LRP2: variants seen among roughly 807,000 people sequenced by gnomAD.
The protein encoded by LRP2 is low-density lipoprotein receptor-related protein 2.
In LRP2, 172 loss-of-function variants were observed where a neutral mutation model predicts 531.0. The observed-to-expected ratio is 0.32, with a 90% CI of 0.29 to 0.37. The LOEUF (loss-of-function observed/expected upper bound fraction) is 0.37. Among genes scored for constraint, LRP2 ranks in the 10% least tolerant of loss-of-function variants. The pLI is 1.00. For synonymous variants in LRP2, 1,992 were observed against 2,027.6 expected (o/e 0.98, Z 0.47); for missense variants, 5,167 against 5,868.3 (o/e 0.88, Z 3.90).
chr2:169,304,023 C>T (rs1292409360), intron 4 of LRP2, among the ~76,000 whole-genome samples: 2 of 152,142 alleles, frequency 1.3e-5, no homozygotes, highest in African/African-American at 4.8e-5. Flanking sequence ...TATTCGTATC[C>T]TGCCAGGTTT....
At chr2:169,255,843 A>C (rs1471491259) in intron 19 of LRP2, among the ~76,000 whole-genome samples, 1 of 152,146 alleles carries the variant, frequency 6.6e-6, no homozygotes, top group Non-Finnish European at 1.5e-5. Flanking sequence ...GAATTGTATA[A>C]TACATGTAAT....
chr2:169,154,254 G>A lies in LRP2; in HGVS notation c.12295+206C>T, dbSNP rs138647271. Among the ~76,000 whole-genome samples the A allele has an allele frequency of 4.8e-3, 738 of 152,272 alleles. 9 individuals are homozygous for A. The highest frequency in any genetic ancestry group is 4.7e-3 in the Non-Finnish European group (321 of 68,012). The stretch of plus-strand genomic sequence containing the variant: ...CCAGAAAGGATAAACCCCAGTGATC[G>A]GAGGAGTTTTAGAAAGAAATCAGGA... On this transcript the variant is annotated intron_variant, in intron 66 of 78. Transcript: ENST00000649046.
intron 6 of LRP2, among the ~76,000 whole-genome samples, chr2:169,293,360 C>A (rs1381656812): frequency 6.6e-6 from 1 of 152,182 alleles, no homozygotes; most frequent in Non-Finnish European, 1.5e-5. Context: ...GAAGTGGAGG[C>A]AAGAAAGCCA....
chr2:169,233,536 G>A lies in LRP2; in HGVS notation c.4973C>T (p.Thr1658Ile), dbSNP rs1481839894. The A allele has an allele frequency of 1.9e-6, 3 of 1,614,042 alleles. No homozygotes were observed. The highest frequency in any genetic ancestry group is 2.5e-6 in the Non-Finnish European group (3 of 1,180,050). The change falls in exon 30 of 79, where the codon ACT becomes ATT. Residue 1658 changes from threonine (T) to isoleucine (I), a missense_variant. Transcript: ENST00000649046. ...LTLFEDSVYW[T>I]DRATRRVMRA... The stretch of plus-strand genomic sequence containing the variant: ...CATAACCCGACGAGTAGCACGGTCA[G>A]TCCAGTACACAGAGTCTTCAAAGAG...
At chr2:169,237,343 A>G in intron 27 of LRP2, 56 bp from the exon 28 acceptor site, 1 of 1,258,982 alleles carries the variant, frequency 7.9e-7, no homozygotes, top group Non-Finnish European at 1.2e-6. Context: ...GAATGCAAAC[A>G]TGGATATTAT....
At chr2:169,225,996 G>T (rs186699412) in intron 32 of LRP2, among the ~76,000 whole-genome samples, 1 of 152,166 alleles carries the variant, frequency 6.6e-6, no homozygotes, top group Non-Finnish European at 1.5e-5. Flanking sequence ...AATTCCCTTA[G>T]GGAGCTACTA....
intron 1 of LRP2, among the ~76,000 whole-genome samples, chr2:169,337,908 A>C (rs1214232998): frequency 6.6e-6 from 1 of 152,014 alleles, no homozygotes; most frequent in African/African-American, 2.4e-5. Context: ...GGAGTTTGAG[A>C]CCACCCTGGG....
At position 169,177,832 on chromosome 2, in the gene LRP2, T is replaced by C; in HGVS notation, c.10364A>G (p.His3455Arg). Residue 3455 changes from histidine (H) to arginine (R), a missense_variant, in exon 53 of 79, where the codon CAT becomes CGT. Physicochemically the swap from His to Arg is conservative, Grantham distance 29. Coordinates refer to ENST00000649046, the MANE Select transcript of LRP2 (RefSeq NM_004525.3). ...GGGCTGCCTATATGGATGGTACACA[T>C]GGATGTCAAATGGTCTGTGTGTTGT... The part of the protein sequence containing the change: ...VNTTHRPFDI[H>R]VYHPYRQPIV... The C allele has an allele frequency of 1.2e-6, 2 of 1,614,254 alleles. No individual in the cohort carries two copies. Among genetic ancestry groups the C allele is most frequent in the South Asian group, 1.1e-5 (1 of 91,088 alleles).
intron 6 of LRP2, among the ~76,000 whole-genome samples, chr2:169,292,893 G>A (rs1330527524): frequency 6.7e-6 from 1 of 150,052 alleles, no homozygotes; most frequent in East Asian, 2.0e-4. Flanking sequence ...CGTTGGCACA[G>A]AACAGAAAAT....
intron 1 of LRP2, among the ~76,000 whole-genome samples, chr2:169,348,614 G>A (rs949800315): frequency 2.0e-5 from 3 of 152,232 alleles, no homozygotes; most frequent in African/African-American, 4.8e-5. Context: ...CCACTAACAC[G>A]AAGTCTAAAA....
intron 19 of LRP2, among the ~76,000 whole-genome samples, chr2:169,248,392 CCAAT>C (rs1167913685): frequency 6.6e-6 from 1 of 152,140 alleles, no homozygotes; most frequent in Non-Finnish European, 1.5e-5. Context: ...TAATCAATGA[CCAAT>C]CAGTCATTGG....
chr2:169,342,976 T>C (rs1685605759), intron 1 of LRP2, among the ~76,000 whole-genome samples: 1 of 152,212 alleles, frequency 6.6e-6, no homozygotes, highest in Non-Finnish European at 1.5e-5. Context: ...TTACATGCTC[T>C]GTCTAAAACC....
At position 169,272,508 on chromosome 2, in the gene LRP2, T is replaced by C. The variant is rs111957856; in HGVS notation, c.2116+419A>G. ...GGCATACGTGGTGGTCTAGGAGAAGTCAAAGTGGGGAGAAGTACAGTACTT... is the reference window on the plus strand; with the variant it reads ...GGCATACGTGGTGGTCTAGGAGAAGCCAAAGTGGGGAGAAGTACAGTACTT... On this transcript the variant is annotated intron_variant, in intron 15 of 78. Transcript: ENST00000649046. Among the ~76,000 whole-genome samples, 365 of 152,080 alleles carry C rather than the reference T, an allele frequency of 2.4e-3. 3 individuals carry two copies. Among genetic ancestry groups the C allele is most frequent in the African/African-American group, 8.2e-3 (342 of 41,488 alleles).
At chr2:169,276,480 A>G (rs1241509217) in intron 13 of LRP2, among the ~76,000 whole-genome samples, 2 of 152,184 alleles carry the variant, frequency 1.3e-5, no homozygotes, top group African/African-American at 4.8e-5. Flanking sequence ...CAATTATTTT[A>G]TGTGACTTAT....
chr2:169,327,420 C>A (rs1685114492), intron 1 of LRP2, among the ~76,000 whole-genome samples: 1 of 133,550 alleles, frequency 7.5e-6, no homozygotes, highest in African/African-American at 2.9e-5. Context: ...GCCAGCCACC[C>A]CGTCCGGGAG....
chr2:169,244,728 TTGTC>T lies in LRP2; in HGVS notation c.3391_3394del (p.Asp1131MetfsTer54). The T allele has an allele frequency of 6.2e-7, 1 of 1,614,232 alleles. No individual in the cohort carries two copies. Among genetic ancestry groups the T allele is most frequent in the Non-Finnish European group, 8.5e-7 (1 of 1,180,032 alleles). On this transcript the variant is annotated frameshift_variant, in exon 22 of 79. Coordinates refer to ENST00000649046, the MANE Select transcript of LRP2 (RefSeq NM_004525.3). LOFTEE classifies it high-confidence loss of function. Reference sequence around the variant, plus strand: ...TTCATCAGATCCATCCCCACAATCATTGTCTGTGTCACAGACCCAGTTCTTTGAG... The same window carrying T: ...TTCATCAGATCCATCCCCACAATCATTGTGTCACAGACCCAGTTCTTTGAG...
chr2:169,166,028 G>A lies in LRP2; in HGVS notation c.11662C>T (p.Arg3888Cys), dbSNP rs750352540. ...CLDVPCNSPN[R>C]FRCDNNRCIY... ...CAGCGATTGTTGTCACACCGGAAAC[G>A]GTTTGGTGAATTACAGGGAACATCC... Residue 3888 changes from arginine to cysteine, a missense_variant, in exon 62 of 79, where the codon CGT (arginine) becomes TGT (cysteine). Around this residue, in one of 6 missense-constraint regions of LRP2, gnomAD observed 564 missense variants for 747.7 expected, o/e 0.75. Transcript: ENST00000649046. 5.0e-6 allele frequency: 8 copies of A among 1,613,996 alleles called. No homozygotes were observed. The highest frequency in any genetic ancestry group is 4.4e-5 in the South Asian group (4 of 91,084).
rs1218636281 is a variant in LRP2 at position 169,206,097 on chromosome 2, A to G, written c.7482T>C (p.Ala2494=). 4 of 1,614,228 alleles carry G rather than the reference A, an allele frequency of 2.5e-6. No homozygotes were observed. Among genetic ancestry groups the G allele is most frequent in the South Asian group, 1.1e-5 (1 of 91,084 alleles). The change falls in exon 40 of 79, where the codon GCT becomes GCC. Residue 2494 remains alanine (A), a synonymous_variant. Coordinates refer to ENST00000649046, the MANE Select transcript of LRP2 (RefSeq NM_004525.3). ...TCACAGTGCGGTTAGACCCATCTTC[A>G]GCCATGGAATTAATCATCTGGTTGA... ...DYLNQMINSM[A]EDGSNRTVIA...
chr2:169,152,728 C>G, intron 67 of LRP2, 71 bp downstream of exon 67: 1 of 1,538,960 alleles, frequency 6.5e-7, no homozygotes. Flanking sequence ...CACTCATGGC[C>G]CATGGAGTGC....
Sources: allele counts gnomAD v4.1 joint callset (sites outside exome capture counted in the v4.1 genomes callset), GRCh38; gene constraint gnomAD v4.1.1; regional missense constraint gnomAD v4.1.1; transcripts MANE v1.5; gene names NCBI Gene and HGNC (gene_info 2026-07-23, HGNC 2026-07-21).